The following PKP2 variants were observed in gnomAD, a reference collection of about 807,000 sequenced individuals.
The protein encoded by PKP2 is plakophilin-2.
PKP2 carries 73 observed loss-of-function variants against 83.4 expected under a neutral mutation model. That is an observed-to-expected ratio of 0.88 (90% CI 0.72 to 1.06). The LOEUF is 1.06. Ranked by LOEUF, PKP2 falls within the 50% of genes least tolerant of loss-of-function variation. The pLI, the probability that PKP2 is intolerant of heterozygous loss-of-function variation, is 0.00. For synonymous variants in PKP2, 409 were observed against 430.4 expected (o/e 0.95, Z 0.62); for missense variants, 966 against 1,065.4 (o/e 0.91, Z 1.30).
At position 32,841,140 on chromosome 12, in the gene PKP2, T is replaced by C. The variant is rs397516999; in HGVS notation, c.1444A>G (p.Thr482Ala). 221 of 1,613,168 alleles carry C rather than the reference T, an allele frequency of 1.4e-4. No homozygotes were observed. Among genetic ancestry groups the C allele is most frequent in the Non-Finnish European group, 1.8e-4 (213 of 1,179,228 alleles). Residue 482 changes from threonine (T) to alanine (A), a missense_variant, in exon 6 of 13, where the codon ACG becomes GCG. Transcript: ENST00000340811. ...GGGATGATGATATTCTCCGTCAGCG[T>C]AAGCAATGCTTCTGTTATCATGAGA... ...KNLMITEALL[T>A]LTENIIIPFS...
chr12:32,826,417 C>T (rs1382269497), intron 6 of PKP2, among the ~76,000 whole-genome samples: 2 of 151,536 alleles, frequency 1.3e-5, no homozygotes, highest in East Asian at 1.9e-4. Flanking sequence ...ACTGACAAAA[C>T]CCGACTGTTT....
intron 4 of PKP2, chr12:32,863,522 A>G (rs1436549539): frequency 1.2e-5 from 2 of 168,512 alleles, no homozygotes; most frequent in South Asian, 1.5e-4. Flanking sequence ...GGATCACACT[A>G]TCTACACAAA....
intron 4 of PKP2, among the ~76,000 whole-genome samples, chr12:32,866,408 C>T (rs1282345748): frequency 1.3e-5 from 2 of 151,516 alleles, no homozygotes; most frequent in African/African-American, 4.9e-5. Flanking sequence ...CAAAAATTAG[C>T]AAGGTGTGGT....
chr12:32,819,293 C>A (rs568010921), intron 9 of PKP2, among the ~76,000 whole-genome samples: 2,330 of 17,026 alleles, frequency 0.14, 105 homozygotes, highest in African/African-American at 0.27. Context: ...AAATACAATA[C>A]AATACAATAC....
intron 9 of PKP2, among the ~76,000 whole-genome samples, chr12:32,805,069 T>G (rs1025364610): frequency 1.3e-5 from 2 of 152,190 alleles, no homozygotes; most frequent in Non-Finnish European, 2.9e-5. Flanking sequence ...TTGAGCTTTT[T>G]TTCACGTTTG....
rs140749387 is a variant in PKP2 at position 32,891,318 on chromosome 12, C to T, written c.223+5191G>A. On this transcript the variant is annotated intron_variant, in intron 1 of 12. Transcript: ENST00000340811. ...TATTAATCATCTGATTTATAAACTC[C>T]AGAGGTTTTAGCATCATATTTATTA... is the stretch of plus-strand genomic sequence containing the variant. Among the ~76,000 whole-genome samples the T allele has an allele frequency of 6.2e-3, 938 of 152,144 alleles. 28 individuals are homozygous for T. Among genetic ancestry groups the T allele is most frequent in the Admixed American group, 0.053 (816 of 15,276 alleles).
chr12:32,805,085 C>T (rs1359447347), intron 9 of PKP2, among the ~76,000 whole-genome samples: 1 of 151,582 alleles, frequency 6.6e-6, no homozygotes, highest in Admixed American at 6.6e-5. Context: ...GTTTGTTAAC[C>T]ACATGTACGT....
chr12:32,863,917 T>G (rs142013788), intron 4 of PKP2, among the ~76,000 whole-genome samples: 5 of 152,318 alleles, frequency 3.3e-5, no homozygotes, highest in Non-Finnish European at 7.3e-5. Context: ...TAACAAGATT[T>G]TAGCAAATCT....
chr12:32,881,635 A>C lies in PKP2; in HGVS notation c.224-2603T>G, dbSNP rs185871683. The stretch of plus-strand genomic sequence containing the variant: ...GACATTTATTATTATAAGTAAGTTG[A>C]AAGCAACTCATATTATTATTGTTAT... On this transcript the variant is annotated intron_variant, in intron 1 of 12. Transcript: ENST00000340811. 2.9e-3 allele frequency among the ~76,000 whole-genome samples: 446 copies of C among 152,254 alleles called. 2 individuals are homozygous for C. Among genetic ancestry groups the C allele is most frequent in the Non-Finnish European group, 4.1e-3 (277 of 68,012 alleles).
At position 32,792,410 on chromosome 12, in the gene PKP2, C is replaced by T. The variant is rs777255175; in HGVS notation, c.*14G>A. 1.2e-6 allele frequency: 2 copies of T among 1,604,554 alleles called. No individual in the cohort carries two copies. The highest frequency in any genetic ancestry group is 2.2e-5 in the East Asian group (1 of 44,828). ...TTGGGGATTTTTGCAGCCGAGAATA[C>T]TTTGTCATTTTCCTCAGTCTTTAAG... On this transcript the variant is annotated 3_prime_UTR_variant, in exon 13 of 13. Transcript: ENST00000340811.
chr12:32,833,802 G>A (rs1956521697), intron 6 of PKP2, among the ~76,000 whole-genome samples: 3 of 152,080 alleles, frequency 2.0e-5, no homozygotes, highest in Admixed American at 2.0e-4. Flanking sequence ...TGAGAAAAAA[G>A]AATATGTTTT....
At chr12:32,868,167 A>G (rs1298693777) in intron 4 of PKP2, among the ~76,000 whole-genome samples, 3 of 152,180 alleles carry the variant, frequency 2.0e-5, no homozygotes, top group African/African-American at 7.2e-5. Context: ...TATTTTTGGT[A>G]ATGAGTGGCT....
chr12:32,796,178 T>C lies in PKP2; in HGVS notation c.2288A>G (p.Tyr763Cys). 6.2e-7 allele frequency: 1 copy of C among 1,614,166 alleles called. No individual in the cohort carries two copies. Reference sequence around the variant, plus strand: ...GTTTAGAAGGTCGCGTGCATTCTGGTAACTGTTTTGGATTATGTTGTTCAA... The same window carrying C: ...GTTTAGAAGGTCGCGTGCATTCTGGCAACTGTTTTGGATTATGTTGTTCAA... ...YTLNNIIQNS[Y>C]QNARDLLNTG... The change falls in exon 11 of 13, where the codon TAC becomes TGC. Residue 763 changes from tyrosine to cysteine, a missense_variant. Tyr to Cys is a radical substitution (Grantham distance 194, BLOSUM62 -2). Coordinates refer to ENST00000340811, the MANE Select transcript of PKP2 (RefSeq NM_001005242.3).
At chr12:32,835,121 T>A (rs972565856) in intron 6 of PKP2, among the ~76,000 whole-genome samples, 2 of 151,668 alleles carry the variant, frequency 1.3e-5, no homozygotes, top group African/African-American at 4.8e-5. Flanking sequence ...TGGCGCGACT[T>A]CGGCTCACTG....
intron 10 of PKP2, among the ~76,000 whole-genome samples, chr12:32,799,459 A>G (rs1436483372): frequency 2.0e-5 from 3 of 152,224 alleles, no homozygotes; most frequent in African/African-American, 7.2e-5. Flanking sequence ...AAAAGAAGTC[A>G]TTATATGAAA....
intron 4 of PKP2, among the ~76,000 whole-genome samples, chr12:32,855,002 G>C (rs963564433): frequency 6.6e-6 from 1 of 152,166 alleles, no homozygotes; most frequent in Non-Finnish European, 1.5e-5. Context: ...CCTCCTCTAT[G>C]AAATGTCACT....
chr12:32,866,408 C>G (rs1282345748), intron 4 of PKP2, among the ~76,000 whole-genome samples: 1 of 151,516 alleles, frequency 6.6e-6, no homozygotes, highest in Non-Finnish European at 1.5e-5. Flanking sequence ...CAAAAATTAG[C>G]AAGGTGTGGT....
In PKP2 at chr12:32,802,713, C is replaced by A. The variant is rs7975824; in HGVS notation, c.2014-157G>T. 0.61 allele frequency among the ~76,000 whole-genome samples: 92,121 copies of A among 152,032 alleles called. 30,415 individuals are homozygous for A. Among genetic ancestry groups the A allele is most frequent in the Non-Finnish European group, 0.77 (52,141 of 67,984 alleles). Reference sequence around the variant, plus strand: ...TCTCTCTGTCATTCAGGCTGGAGTGCAGTGGTGTGATCTCAGCTCACCACA... The same window carrying A: ...TCTCTCTGTCATTCAGGCTGGAGTGAAGTGGTGTGATCTCAGCTCACCACA... On this transcript the variant is annotated intron_variant, in intron 9 of 12. Coordinates refer to ENST00000340811, the MANE Select transcript of PKP2 (RefSeq NM_001005242.3).
intron 5 of PKP2, among the ~76,000 whole-genome samples, chr12:32,849,016 A>AC (rs1164719781): frequency 1.3e-5 from 2 of 151,736 alleles, no homozygotes; most frequent in Non-Finnish European, 2.9e-5. Flanking sequence ...AAAAAAAAAA[A>AC]AAAAAAAACC....
Sources: allele counts gnomAD v4.1 joint callset (sites outside exome capture counted in the v4.1 genomes callset), GRCh38; gene constraint gnomAD v4.1.1; transcripts MANE v1.5; gene names NCBI Gene and HGNC (gene_info 2026-07-23, HGNC 2026-07-21).